The following A1CF variants were observed in gnomAD, a reference collection of about 807,000 sequenced individuals.
A1CF encodes APOBEC-1 stimulating protein.
A neutral mutation model predicts 68.9 loss-of-function variants in A1CF; 48 were observed. The ratio of observed to expected loss-of-function variants is 0.70; its 90% CI spans 0.55 to 0.89. A1CF has a LOEUF of 0.89. Among genes scored for constraint, A1CF ranks in the 40% least tolerant of loss-of-function variants. The pLI is 0.00. For missense variants in A1CF, 653 were observed against 718.9 expected (o/e 0.91, Z 1.05); for synonymous variants, 272 against 260.4 (o/e 1.04, Z -0.43).
intron 1 of A1CF, among the ~76,000 whole-genome samples, chr10:50,867,380 T>C (rs963250053): frequency 1.3e-5 from 2 of 152,126 alleles, no homozygotes; most frequent in Non-Finnish European, 2.9e-5. Flanking sequence ...TTATTTTATA[T>C]TTTGCAGCAA....
intron 1 of A1CF, among the ~76,000 whole-genome samples, chr10:50,865,765 C>G (rs546550511): frequency 6.6e-6 from 1 of 152,318 alleles, no homozygotes; most frequent in Admixed American, 6.5e-5. Flanking sequence ...CTCTGTGATG[C>G]TTTCTTTCTT....
At chr10:50,853,803 TA>T (rs1328338732) in intron 3 of A1CF, among the ~76,000 whole-genome samples, 14 of 147,720 alleles carry the variant, frequency 9.5e-5, no homozygotes, top group East Asian at 1.9e-4. Context: ...GGCTTTTTTT[TA>T]AAAAAAATGC....
At chr10:50,856,993 T>C (rs1181906878) in intron 3 of A1CF, among the ~76,000 whole-genome samples, 1 of 152,164 alleles carries the variant, frequency 6.6e-6, no homozygotes, top group Non-Finnish European at 1.5e-5. Context: ...GCAAAATTTT[T>C]AAATGGAGTA....
At chr10:50,853,631 G>C (rs1202811321) in intron 3 of A1CF, among the ~76,000 whole-genome samples, 1 of 152,056 alleles carries the variant, frequency 6.6e-6, no homozygotes, top group Non-Finnish European at 1.5e-5. Context: ...GGCAGCACAA[G>C]AAGGGATGCA....
intron 1 of A1CF, among the ~76,000 whole-genome samples, chr10:50,876,117 T>C (rs1177155224): frequency 6.6e-6 from 1 of 152,224 alleles, no homozygotes; most frequent in African/African-American, 2.4e-5. Flanking sequence ...TTTCCCTGGC[T>C]AAGCCAAATT....
chr10:50,843,899 C>A, intron 4 of A1CF, 89 bp downstream of exon 4: 3 of 1,508,956 alleles, frequency 2.0e-6, no homozygotes, highest in Non-Finnish European at 2.7e-6. Context: ...CAGCCACTGA[C>A]CAAGAAGGCT....
chr10:50,849,140 C>T (rs937512598), intron 3 of A1CF, among the ~76,000 whole-genome samples: 2 of 152,090 alleles, frequency 1.3e-5, no homozygotes, highest in Admixed American at 1.3e-4. Context: ...GGATCCTCTT[C>T]AATGTGATTT....
chr10:50,872,302 TAATTC>T (rs1841305453), intron 1 of A1CF, among the ~76,000 whole-genome samples: 1 of 152,188 alleles, frequency 6.6e-6, no homozygotes, highest in Non-Finnish European at 1.5e-5. Context: ...ATTTTAAACA[TAATTC>T]ATTTAATCCT....
intron 1 of A1CF, among the ~76,000 whole-genome samples, chr10:50,871,863 G>C (rs564923611): frequency 1.3e-5 from 2 of 152,090 alleles, no homozygotes; most frequent in Non-Finnish European, 2.9e-5. Flanking sequence ...TGGTACAGAA[G>C]GTCTTCTAAA....
Position 50,835,997 on chromosome 10 carries a change from T to G in A1CF, c.604+77A>C, listed in dbSNP as rs1038681968. On this transcript the variant is annotated intron_variant, in intron 6 of 12. Coordinates refer to ENST00000373997, the MANE Select transcript of A1CF (RefSeq NM_014576.4). Reference sequence around the variant, plus strand: ...CGTAATGAAAGATAGCCAAAAAAAATTAAAAATGCTTATTTTCTTTGCGGA... The same window carrying G: ...CGTAATGAAAGATAGCCAAAAAAAAGTAAAAATGCTTATTTTCTTTGCGGA... 32 of 1,375,090 alleles carry G rather than the reference T, an allele frequency of 2.3e-5. No individual in the cohort carries two copies. In the African/African-American group the frequency reaches 3.6e-4, roughly 16 times the overall value. The allele number at this position is 1,375,090 out of a possible 1,614,324, so 85.2% of individuals were successfully genotyped here. A position where few individuals can be genotyped will look rare whatever the true frequency, so the allele number is the denominator to read the frequency against.
chr10:50,860,660 G>A (rs766144709), intron 2 of A1CF, among the ~76,000 whole-genome samples: 3 of 152,168 alleles, frequency 2.0e-5, no homozygotes, highest in African/African-American at 7.2e-5. Context: ...TTTAAAAAAT[G>A]ATGAAAGTTT....
rs1837587564 is a variant in A1CF, at chr10:50,801,230, A to C, written c.*5499T>G. 6.6e-6 allele frequency: 1 copy of C among 152,274 alleles called. No homozygotes were observed. Among genetic ancestry groups the C allele is most frequent in the Admixed American group, 6.6e-5 (1 of 15,264 alleles). 9.4% of individuals were successfully genotyped at this position (152,274 alleles called of 1,614,324 possible). A position where few individuals can be genotyped will look rare whatever the true frequency, so the allele number is the denominator to read the frequency against. On this transcript the variant is annotated 3_prime_UTR_variant, in exon 13 of 13. Transcript: ENST00000373997. ...GAAAGTGGATTGATGGAGATTTCAG[A>C]GGAGGAAGTGATCCATTCTTCTCTG...
chr10:50,818,701 T>G (rs1163706652), intron 8 of A1CF, among the ~76,000 whole-genome samples: 1 of 152,212 alleles, frequency 6.6e-6, no homozygotes, highest in Non-Finnish European at 1.5e-5. Flanking sequence ...AGACATGTAT[T>G]TATGCATTAG....
In A1CF at chr10:50,806,581, T is replaced by C. The variant is rs887532898; in HGVS notation, c.*148A>G. The stretch of plus-strand genomic sequence containing the variant: ...ATAACGTTCTTACTTCATGATTCTA[T>C]AATTGGTATAAGCTATACAGTCTCT... On this transcript the variant is annotated 3_prime_UTR_variant, in exon 13 of 13. Coordinates refer to ENST00000373997, the MANE Select transcript of A1CF (RefSeq NM_014576.4). The C allele has an allele frequency of 5.4e-6, 3 of 550,588 alleles. No homozygotes were observed. Among genetic ancestry groups the C allele is most frequent in the Non-Finnish European group, 8.3e-6 (3 of 359,966 alleles). The allele number at this position is 550,588 out of a possible 1,614,324, so 34.1% of individuals were successfully genotyped here.
chr10:50,814,793 C>T (rs1838288280), intron 9 of A1CF, among the ~76,000 whole-genome samples: 6 of 151,408 alleles, frequency 4.0e-5, no homozygotes, highest in South Asian at 2.1e-4. Context: ...TGTTTTTTTT[C>T]GACATCATAA....
At position 50,859,675 on chromosome 10, in the gene A1CF, T is replaced by C. The variant is rs140551710; in HGVS notation, c.99+167A>G. On this transcript the variant is annotated intron_variant, in intron 3 of 12. Transcript: ENST00000373997. ...AGAGTAGAAAGAAGGTTACATTCAG[T>C]GTCATCTACAAAACAGAAATGTTGC... is the stretch of plus-strand genomic sequence containing the variant. Among the ~76,000 whole-genome samples the C allele has an allele frequency of 2.9e-3, 441 of 152,340 alleles. 1 individual carries two copies. Among genetic ancestry groups the C allele is most frequent in the African/African-American group, 0.01 (427 of 41,564 alleles).
At chr10:50,820,325 T>C (rs1838587954) in intron 8 of A1CF, among the ~76,000 whole-genome samples, 1 of 152,202 alleles carries the variant, frequency 6.6e-6, no homozygotes, top group South Asian at 2.1e-4. Flanking sequence ...GGCCAGTGAC[T>C]TGTCCAAATT....
rs1033626249 is a variant in A1CF at position 50,804,572 on chromosome 10, T to G, written c.*2157A>C. ...CACTGTCTTTGAGAATAAAAGCAGA[T>G]CTGTAGGGGAGTGTAAATTTGGATC... On this transcript the variant is annotated 3_prime_UTR_variant, in exon 13 of 13. Coordinates refer to ENST00000373997, the MANE Select transcript of A1CF (RefSeq NM_014576.4). 3.3e-5 allele frequency: 5 copies of G among 152,200 alleles called. No individual in the cohort carries two copies. Among genetic ancestry groups the G allele is most frequent in the African/African-American group, 1.2e-4 (5 of 41,456 alleles). The allele number at this position is 152,200 out of a possible 1,614,324, so 9.4% of individuals were successfully genotyped here.
rs770078849 is a variant in A1CF at position 50,820,593 on chromosome 10, G to A, written c.826C>T (p.Arg276Ter). ...TTCATAGCCTCAACTGCATCTTCTC[G>A]GTTACTGAAGTGCACAAAAGCATAG... ...RDYAFVHFSN[R>*]EDAVEAMKAL... Residue 276 changes from arginine to a stop codon, truncating the protein, a stop_gained, in exon 8 of 13, where the codon CGA (arginine) becomes TGA (stop). Coordinates refer to ENST00000373997, the MANE Select transcript of A1CF (RefSeq NM_014576.4). LOFTEE classifies it high-confidence loss of function. 9.9e-6 allele frequency: 16 copies of A among 1,613,032 alleles called. No homozygotes were observed. The highest frequency in any genetic ancestry group is 2.2e-5 in the East Asian group (1 of 44,786).
Sources: allele counts gnomAD v4.1 joint callset (sites outside exome capture counted in the v4.1 genomes callset), GRCh38; gene constraint gnomAD v4.1.1; transcripts MANE v1.5; gene names NCBI Gene and HGNC (gene_info 2026-07-23, HGNC 2026-07-21).